Variants in DYNC1H1 observed in about 807,000 individuals in gnomAD.
The protein encoded by DYNC1H1 is dynein cytoplasmic 1 heavy chain 1, also known as cytoplasmic dynein 1 heavy chain 1.
In DYNC1H1, 51 loss-of-function variants were observed where a neutral mutation model predicts 527.1. The observed-to-expected ratio is 0.10, with a 90% CI of 0.08 to 0.12. DYNC1H1 has a LOEUF of 0.12. DYNC1H1 is among the 10% of genes least tolerant of loss of function. DYNC1H1 has a pLI of 1.00. For missense variants in DYNC1H1, 2,771 were observed against 5,971.8 expected (o/e 0.46, Z 17.66); for synonymous variants, 2,189 against 2,278.8 (o/e 0.96, Z 1.12).
intron 43 of DYNC1H1, among the ~76,000 whole-genome samples, chr14:102,026,108 C>CA (rs530665556): frequency 0.013 from 923 of 71,940 alleles, 5 homozygotes; most frequent in Middle Eastern, 0.037. Context: ...AGCGAGGCTA[C>CA]AAAAAAAAAA....
Position 102,044,570 on chromosome 14 carries a change from A to T in DYNC1H1, c.12903-25A>T, listed in dbSNP as rs2152597935. The T allele has an allele frequency of 6.2e-7, 1 of 1,614,170 alleles. No individual in the cohort carries two copies. The highest frequency in any genetic ancestry group is 2.2e-5 in the East Asian group (1 of 44,878). Reference sequence around the variant, plus strand: ...TCACTCAGAGGTGACCCCTGACATCATTTCCAAATGCACTGGTTTTCTAGG... The same window carrying T: ...TCACTCAGAGGTGACCCCTGACATCTTTTCCAAATGCACTGGTTTTCTAGG... On this transcript the variant is annotated intron_variant, in intron 71 of 77. Transcript: ENST00000360184. This position sits in a 1 kb window ranked among gnomAD's most constrained non-coding sequence, Gnocchi z 7.1.
At chr14:101,976,131 T>C (rs2047797944) in intron 2 of DYNC1H1, among the ~76,000 whole-genome samples, 3 of 151,102 alleles carry the variant, frequency 2.0e-5, no homozygotes. Flanking sequence ...GGTCTCGAAC[T>C]CCTGACCTCA....
Position 101,995,096 on chromosome 14 carries a change from G to T in DYNC1H1, c.3444G>T (p.Lys1148Asn). 1 of 1,614,210 alleles carries T rather than the reference G, an allele frequency of 6.2e-7. No individual in the cohort carries two copies. Among genetic ancestry groups the T allele is most frequent in the Non-Finnish European group, 8.5e-7 (1 of 1,180,038 alleles). Residue 1148 changes from lysine to asparagine, a missense_variant and splice_region_variant, in exon 14 of 78, where the codon AAG (lysine) becomes AAT (asparagine). Transcript: ENST00000360184. ...NMTEFHSQIS[K>N]SRQELEQHSV... ...CGGAATTCCATTCCCAGATCTCAAA[G>T]GTGAGGACATAGGATTCTGCCTCTG... is the stretch of plus-strand genomic sequence containing the variant.
chr14:102,004,919 A>T lies in DYNC1H1; in HGVS notation c.5207A>T (p.Asn1736Ile), dbSNP rs781519120. The change falls in exon 25 of 78, where the codon AAT becomes ATT. Residue 1736 changes from asparagine (N) to isoleucine (I), a missense_variant. Asn to Ile is a moderately radical substitution (Grantham distance 149). Coordinates refer to ENST00000360184, the MANE Select transcript of DYNC1H1 (RefSeq NM_001376.5). ...GGTAAAGCAACTTCAATTGACCCAA[A>T]TACCTACATCACTTGGATTGATAAA... ...IFGKATSIDP[N>I]TYITWIDKYQ... 6.8e-6 allele frequency: 11 copies of T among 1,614,254 alleles called. No homozygotes were observed. Among genetic ancestry groups the T allele is most frequent in the Non-Finnish European group, 9.3e-6 (11 of 1,180,050 alleles).
chr14:101,999,177 T>C (rs1183362766), intron 16 of DYNC1H1, among the ~76,000 whole-genome samples: 2 of 151,810 alleles, frequency 1.3e-5, no homozygotes, highest in East Asian at 3.9e-4. Context: ...CCACCGCACC[T>C]GGCCAAAAAT....
chr14:101,998,535 T>C (rs1260825201), intron 16 of DYNC1H1, among the ~76,000 whole-genome samples: 1 of 152,250 alleles, frequency 6.6e-6, no homozygotes, highest in Non-Finnish European at 1.5e-5. Context: ...GATGTGAACA[T>C]ATTTTGAATA....
chr14:102,009,634 CAT>C (rs2048236099), intron 29 of DYNC1H1: 1 of 659,708 alleles, frequency 1.5e-6, no homozygotes. Flanking sequence ...GACACGTGCA[CAT>C]GAGGTACATG....
intron 77 of DYNC1H1, 107 bp from the exon 78 acceptor site, chr14:102,050,328 G>A: frequency 6.2e-7 from 1 of 1,609,748 alleles, no homozygotes; most frequent in Non-Finnish European, 8.5e-7. Context: ...AATCCATTTC[G>A]CACCTGTCCA....
chr14:102,030,465 C>A, intron 51 of DYNC1H1, 183 bp downstream of exon 51: 1 of 822,194 alleles, frequency 1.2e-6, no homozygotes, highest in Non-Finnish European at 1.9e-6. Context: ...TCTCTCAAAG[C>A]AAAGTTCCTA....
At position 101,984,932 on chromosome 14, in the gene DYNC1H1, CAA is replaced by C. The variant is rs773102943; in HGVS notation, c.1462-731_1462-730del. Among the ~76,000 whole-genome samples, 390 of 40,124 alleles carry C rather than the reference CAA, an allele frequency of 9.7e-3. 1 individual carries two copies. Among genetic ancestry groups the C allele is most frequent in the African/African-American group, 0.029 (332 of 11,282 alleles). The allele number at this position is 40,124 out of a possible 152,430, so 26.3% of individuals were successfully genotyped here. On this transcript the variant is annotated intron_variant, in intron 7 of 77. Transcript: ENST00000360184. ...TGGGCAACAGAGGGAGGCTCCGTCT[CAA>C]AAAAAAAAAAAAAAAAAAAAAAAGG...
At position 102,002,763 on chromosome 14, in the gene DYNC1H1, G is replaced by T; in HGVS notation, c.4710-29G>T. On this transcript the variant is annotated intron_variant, in intron 22 of 77. Coordinates refer to ENST00000360184, the MANE Select transcript of DYNC1H1 (RefSeq NM_001376.5). The surrounding 1 kb of genome is among the most constrained non-coding windows in gnomAD (Gnocchi z 4.4). ...CGGCTAGTGACTACTCTACACAAAG[G>T]CTGACGCATGTTTTAATTTCATTTG... is the stretch of plus-strand genomic sequence containing the variant. The T allele has an allele frequency of 6.2e-7, 1 of 1,614,248 alleles. No individual in the cohort carries two copies. Among genetic ancestry groups the T allele is most frequent in the Non-Finnish European group, 8.5e-7 (1 of 1,180,052 alleles).
chr14:101,979,216 A>G lies in DYNC1H1; in HGVS notation c.345-103A>G, dbSNP rs2047835219. On this transcript the variant is annotated intron_variant, in intron 2 of 77. Transcript: ENST00000360184. This position sits in a 1 kb window ranked among gnomAD's most constrained non-coding sequence, Gnocchi z 4.6. ...AGAAAGACAAGCAGTGCATTTCACT[A>G]TTAGAAAAGCAACACTTCAGTATAT... 8.8e-7 allele frequency: 1 copy of G among 1,142,462 alleles called. No homozygotes were observed. The highest frequency in any genetic ancestry group is 1.3e-6 in the Non-Finnish European group (1 of 782,744). 70.8% of individuals were successfully genotyped at this position (1,142,462 alleles called of 1,614,324 possible). A position where few individuals can be genotyped will look rare whatever the true frequency, so the allele number is the denominator to read the frequency against.
At chr14:102,030,505 A>C (rs904155533) in intron 51 of DYNC1H1, 2 of 577,368 alleles carry the variant, frequency 3.5e-6, no homozygotes, top group Non-Finnish European at 3.0e-6. Flanking sequence ...CCATAGTGAA[A>C]CCCCTCTCAT....
chr14:101,985,681 C>G lies in DYNC1H1; in HGVS notation c.1462-6C>G. Reference sequence around the variant, plus strand: ...CATTTCTTGATTACATATCTTTCTCCTTTAGGTCACGGCAGTTGCACAACA... The same window carrying G: ...CATTTCTTGATTACATATCTTTCTCGTTTAGGTCACGGCAGTTGCACAACA... On this transcript the variant is annotated splice_region_variant and splice_polypyrimidine_tract_variant and intron_variant, in intron 7 of 77. Coordinates refer to ENST00000360184, the MANE Select transcript of DYNC1H1 (RefSeq NM_001376.5). This position sits in a 1 kb window ranked among gnomAD's most constrained non-coding sequence, Gnocchi z 5.9. 1.2e-6 allele frequency: 2 copies of G among 1,614,034 alleles called. No homozygotes were observed. Among genetic ancestry groups the G allele is most frequent in the Non-Finnish European group, 1.7e-6 (2 of 1,179,944 alleles).
Position 102,027,044 on chromosome 14 carries a change from T to C in DYNC1H1, c.8772-130T>C, listed in dbSNP as rs2048459020. ...CCTCCTGGACTTCACAAATAACAGT[T>C]GCTCAGCAAATGTTTAATATACAAG... On this transcript the variant is annotated intron_variant, in intron 44 of 77. Transcript: ENST00000360184. The surrounding 1 kb of genome is among the most constrained non-coding windows in gnomAD (Gnocchi z 7.7). The C allele has an allele frequency of 9.0e-7, 1 of 1,107,732 alleles. No homozygotes were observed. Among genetic ancestry groups the C allele is most frequent in the African/African-American group, 1.5e-5 (1 of 65,188 alleles). The allele number at this position is 1,107,732 out of a possible 1,614,324, so 68.6% of individuals were successfully genotyped here.
In DYNC1H1 at chr14:102,010,964, T is replaced by C. The variant is rs1364661717; in HGVS notation, c.6618+12T>C. 3 of 1,614,134 alleles carry C rather than the reference T, an allele frequency of 1.9e-6. No homozygotes were observed. The highest frequency in any genetic ancestry group is 2.5e-6 in the Non-Finnish European group (3 of 1,179,968). Reference sequence around the variant, plus strand: ...TGTGGGTTGAAAAGGTAACTTGGATTGTTTCACTGGCCACTGCCCTCACAG... The same window carrying C: ...TGTGGGTTGAAAAGGTAACTTGGATCGTTTCACTGGCCACTGCCCTCACAG... On this transcript the variant is annotated intron_variant, in intron 32 of 77. Transcript: ENST00000360184. The surrounding 1 kb of genome is among the most constrained non-coding windows in gnomAD (Gnocchi z 6.0).
intron 12 of DYNC1H1, 27 bp downstream of exon 12, chr14:101,994,351 T>C (rs2048032846): frequency 1.9e-6 from 3 of 1,614,098 alleles, no homozygotes; most frequent in African/African-American, 2.7e-5. Context: ...TTCATTCAAA[T>C]GTGCATATGG....
chr14:102,048,312 C>T (rs372725503), intron 73 of DYNC1H1: 11 of 766,026 alleles, frequency 1.4e-5, no homozygotes, highest in East Asian at 5.4e-5. Flanking sequence ...AGCTGCGACT[C>T]GGGCAGGGGC....
chr14:102,050,095 G>A lies in DYNC1H1; in HGVS notation c.13709G>A (p.Cys4570Tyr). 4 of 1,614,122 alleles carry A rather than the reference G, an allele frequency of 2.5e-6. No individual in the cohort carries two copies. The highest frequency in any genetic ancestry group is 3.4e-6 in the Non-Finnish European group (4 of 1,180,022). The change falls in exon 77 of 78, where the codon TGC (cysteine) becomes TAC (tyrosine). Residue 4570 changes from cysteine to tyrosine, a missense_variant. This residue lies in a region of DYNC1H1 where 106 missense variants were observed against 139.2 expected (regional missense o/e 0.76). Transcript: ENST00000360184. ...VTGLKLQGAT[C>Y]NNNKLSLSNA... The stretch of plus-strand genomic sequence containing the variant: ...GGTTTGAAACTTCAAGGGGCCACGT[G>A]CAACAACAACAAGCTGTCACTGTCC...
Sources: allele counts gnomAD v4.1 joint callset (sites outside exome capture counted in the v4.1 genomes callset), GRCh38; gene constraint gnomAD v4.1.1; regional missense constraint gnomAD v4.1.1; non-coding constraint Gnocchi (gnomAD v3.1); transcripts MANE v1.5; gene names NCBI Gene and HGNC (gene_info 2026-07-23, HGNC 2026-07-21).